The following TMEM272 variants were observed in gnomAD, a reference collection of about 807,000 sequenced individuals.
TMEM272 encodes long intergenic non-protein coding RNA 282.
A neutral mutation model predicts 3.7 loss-of-function variants in TMEM272; 8 were observed. The observed-to-expected ratio is 2.17, with a 90% confidence interval of 1.27 to 3.91. The LOEUF is 3.91. Among genes scored for constraint, TMEM272 ranks in the 30% most tolerant of loss-of-function variants. TMEM272 has a pLI of 0.00. For synonymous variants in TMEM272, 63 were observed against 39.8 expected (o/e 1.58, Z -2.20); for missense variants, 166 against 91.5 (o/e 1.81, Z -3.32).
intron 1 of TMEM272, among the ~76,000 whole-genome samples, chr13:51,841,697 T>C (rs546265650): frequency 2.0e-5 from 3 of 152,366 alleles, no homozygotes; most frequent in East Asian, 3.8e-4. Flanking sequence ...GTGATATCTT[T>C]ATTGATAATA....
the TMEM272 span, among the ~76,000 whole-genome samples, chr13:51,923,843 G>A: frequency 6.6e-6 from 1 of 152,140 alleles, no homozygotes; most frequent in African/African-American, 2.4e-5. Context: ...GTCCTCCAAA[G>A]CTAGGAGGCA....
intron 1 of TMEM272, among the ~76,000 whole-genome samples, chr13:51,839,885 T>C (rs932911): frequency 0.84 from 127,791 of 152,190 alleles, 53,975 homozygotes; most frequent in East Asian, 1. Context: ...GGTTCTTATT[T>C]CCCATCACTG....
At chr13:51,820,211 G>A (rs1956067596) in intron 4 of TMEM272, among the ~76,000 whole-genome samples, 1 of 152,152 alleles carries the variant, frequency 6.6e-6, no homozygotes, top group South Asian at 2.1e-4. Flanking sequence ...CTTTCTGGTA[G>A]CTCCATGAAA....
chr13:51,885,857 G>A, the TMEM272 span, among the ~76,000 whole-genome samples: 1 of 152,292 alleles, frequency 6.6e-6, no homozygotes, highest in Non-Finnish European at 1.5e-5. Context: ...TTCAGTCTCT[G>A]TCCCATCTGA....
chr13:51,897,362 A>AAT, the TMEM272 span, among the ~76,000 whole-genome samples: 1 of 82,408 alleles, frequency 1.2e-5, no homozygotes, highest in Non-Finnish European at 2.4e-5. Flanking sequence ...TGTCTGGCTA[A>AAT]TTTTTTTTTT....
chr13:51,873,934 G>A, the TMEM272 span, among the ~76,000 whole-genome samples: 43 of 152,312 alleles, frequency 2.8e-4, no homozygotes, highest in South Asian at 1.4e-3. Context: ...GGAATTTTCC[G>A]TCTCATCTGT....
the TMEM272 span, among the ~76,000 whole-genome samples, chr13:51,924,805 C>T: frequency 2.6e-5 from 4 of 152,146 alleles, no homozygotes; most frequent in East Asian, 1.9e-4. Flanking sequence ...CTTCCCCTCC[C>T]GAGCAAATCC....
the TMEM272 span, among the ~76,000 whole-genome samples, chr13:51,870,046 G>A: frequency 6.6e-6 from 1 of 152,182 alleles, no homozygotes; most frequent in Non-Finnish European, 1.5e-5. Context: ...GTTTAAAGCT[G>A]CTGCTTCTTA....
intron 4 of TMEM272, 70 bp from the exon 5 acceptor site, chr13:51,817,183 G>T (rs1040406302): frequency 1.9e-5 from 12 of 647,482 alleles, no homozygotes; most frequent in African/African-American, 1.8e-4. Context: ...GGGGATAGAA[G>T]GTAGCGGTGG....
At chr13:51,911,246 T>G in the TMEM272 span, among the ~76,000 whole-genome samples, 2 of 152,192 alleles carry the variant, frequency 1.3e-5, 1 homozygote, top group Non-Finnish European at 2.9e-5. Flanking sequence ...GAAGAGAGAT[T>G]TATTAAGCTC....
the TMEM272 span, among the ~76,000 whole-genome samples, chr13:51,906,633 AAAT>A: frequency 6.6e-6 from 1 of 152,202 alleles, no homozygotes; most frequent in Non-Finnish European, 1.5e-5. Context: ...CCTGATAAGA[AAAT>A]AATATGTCCA....
chr13:51,923,095 G>A, the TMEM272 span, among the ~76,000 whole-genome samples: 50 of 152,336 alleles, frequency 3.3e-4, no homozygotes, highest in East Asian at 8.9e-3. Context: ...TCCTCCATCA[G>A]AGTCCGGTGA....
chr13:51,917,350 C>T, the TMEM272 span, among the ~76,000 whole-genome samples: 1 of 152,126 alleles, frequency 6.6e-6, no homozygotes, highest in African/African-American at 2.4e-5. Flanking sequence ...GGAGTTTGAG[C>T]ACCCAGAGAG....
At chr13:51,854,268 A>G in the TMEM272 span, among the ~76,000 whole-genome samples, 1 of 152,238 alleles carries the variant, frequency 6.6e-6, no homozygotes, top group African/African-American at 2.4e-5. Context: ...CAAACACTTT[A>G]TGAACTGTGA....
chr13:51,852,098 T>G, the TMEM272 span, among the ~76,000 whole-genome samples: 5 of 152,266 alleles, frequency 3.3e-5, no homozygotes, highest in African/African-American at 9.6e-5. Flanking sequence ...TATAACAGTT[T>G]GTATTCCTAC....
the TMEM272 span, among the ~76,000 whole-genome samples, chr13:51,918,651 C>T: frequency 6.6e-6 from 1 of 152,016 alleles, no homozygotes; most frequent in African/African-American, 2.4e-5. Context: ...TTTGGAACAA[C>T]GTCTTGCTCT....
At chr13:51,909,077 T>C in the TMEM272 span, 1 of 1,475,494 alleles carries the variant, frequency 6.8e-7, no homozygotes, top group South Asian at 1.1e-5. Flanking sequence ...AGGGACCATA[T>C]GAGGAATGCT....
At chr13:51,901,852 G>A in the TMEM272 span, among the ~76,000 whole-genome samples, 1 of 152,108 alleles carries the variant, frequency 6.6e-6, no homozygotes. Context: ...AGCCCCATTG[G>A]GTGTGTTTAC....
intron 4 of TMEM272, 74 bp downstream of exon 4, chr13:51,821,981 A>G: frequency 1.4e-6 from 1 of 701,584 alleles, no homozygotes; most frequent in South Asian, 1.5e-5. Context: ...TAGCAGGCAA[A>G]TAACAGGTGC....
Sources: gnomAD v4.1 joint callset for allele counts (sites outside exome capture counted in the v4.1 genomes callset) on GRCh38, gnomAD v4.1.1 for gene constraint, MANE v1.5 for transcripts, NCBI Gene and HGNC (gene_info 2026-07-23, HGNC 2026-07-21) for gene names.